The following GRM4 variants were observed in gnomAD, a reference collection of about 807,000 sequenced individuals.
GRM4 encodes the protein glutamate metabotropic receptor 4, also known as metabotropic glutamate receptor 4.
Under a neutral mutation model 81.7 loss-of-function variants are expected in GRM4, and 28 were observed. The observed-to-expected ratio is 0.34, with a 90% CI of 0.25 to 0.47. GRM4 has a LOEUF of 0.47. Among genes scored for constraint, GRM4 ranks in the 20% least tolerant of loss-of-function variants. The pLI is 1.00. For synonymous variants in GRM4, 488 were observed against 528.8 expected, an observed-to-expected ratio of 0.92 and a Z score of 1.06; for missense variants, 948 against 1,290.0, an observed-to-expected ratio of 0.73 and a Z score of 4.06.
In GRM4 at chr6:34,111,150, C is replaced by T. The variant is rs1769365329; in HGVS notation, c.520-19051G>A. 1.3e-5 allele frequency: 2 copies of T among 158,878 alleles called. No homozygotes were observed. The highest frequency in any genetic ancestry group is 2.5e-5 in the African/African-American group (1 of 40,796). The allele number at this position is 158,878 out of a possible 1,614,324, so 9.8% of individuals were successfully genotyped here. On this transcript the variant is annotated intron_variant, in intron 2 of 10. Coordinates refer to ENST00000538487, the MANE Select transcript of GRM4 (RefSeq NM_000841.4). This position sits in a 1 kb window ranked among gnomAD's most constrained non-coding sequence, Gnocchi z 5.1. ...ACACACACACACACACACACACACA[C>T]ACACGCCAGGATCCAACCCTTCCAG...
At chr6:34,027,465 C>G (rs1009555309) in intron 10 of GRM4, among the ~76,000 whole-genome samples, 1 of 152,130 alleles carries the variant, frequency 6.6e-6, no homozygotes, top group Non-Finnish European at 1.5e-5. Flanking sequence ...GACAGTCCCC[C>G]AGACAGGCAA....
rs768076180 is a variant in GRM4 at position 34,133,110 on chromosome 6, C to A, written c.387G>T (p.Lys129Asn). The change falls in exon 2 of 11, where the codon AAG becomes AAT. Residue 129 changes from lysine (K) to asparagine (N), a missense_variant. Physicochemically the swap from Lys to Asn is moderately conservative, Grantham distance 94. Coordinates refer to ENST00000538487, the MANE Select transcript of GRM4 (RefSeq NM_000841.4). This position sits in a 1 kb window ranked among gnomAD's most constrained non-coding sequence, Gnocchi z 6.5. ...TGCCACAGCGGACCTCTGTGCCATCCTTCTCGATGAGCGCCTGCACAAAGG... is the reference window on the plus strand; with the variant it reads ...TGCCACAGCGGACCTCTGTGCCATCATTCTCGATGAGCGCCTGCACAAAGG... ...SLTFVQALIE[K>N]DGTEVRCGSG... 13 of 1,613,960 alleles carry A rather than the reference C, an allele frequency of 8.1e-6. No individual in the cohort carries two copies. Among genetic ancestry groups the A allele is most frequent in the Non-Finnish European group, 1.1e-5 (13 of 1,179,976 alleles).
intron 3 of GRM4, among the ~76,000 whole-genome samples, chr6:34,085,807 G>A (rs1053337998): frequency 6.6e-6 from 1 of 152,202 alleles, no homozygotes; most frequent in African/African-American, 2.4e-5. Flanking sequence ...GCAGGGTACG[G>A]GGACTGGAGA....
intron 2 of GRM4, among the ~76,000 whole-genome samples, chr6:34,113,243 C>A (rs115601332): frequency 1.8e-4 from 28 of 152,128 alleles, no homozygotes; most frequent in African/African-American, 6.0e-4. Context: ...CCTCAAACGC[C>A]TGAGTTCAAG....
intron 1 of GRM4, among the ~76,000 whole-genome samples, chr6:34,143,605 GGCTCT>G (rs1020664716): frequency 6.6e-6 from 1 of 152,184 alleles, no homozygotes; most frequent in African/African-American, 2.4e-5. Flanking sequence ...GGCCCTTCTG[GGCTCT>G]GAGGAGCTGA....
chr6:34,100,107 CCT>C (rs1489795812), intron 2 of GRM4: 2 of 916,732 alleles, frequency 2.2e-6, no homozygotes, highest in Non-Finnish European at 2.6e-6. Flanking sequence ...ACCATGTGCC[CCT>C]GTCTGGCCCT....
rs1769819385 is a variant in GRM4 at position 34,121,714 on chromosome 6, G to A, written c.519+11264C>T. On this transcript the variant is annotated intron_variant, in intron 2 of 10. Transcript: ENST00000538487. This position sits in a 1 kb window ranked among gnomAD's most constrained non-coding sequence, Gnocchi z 4.6. ...ACCACCTCTTAGCAAACCCCAGGGA[G>A]AAACTGAGGCCTGGAGACAACTGAG... Among the ~76,000 whole-genome samples the A allele has an allele frequency of 6.6e-6, 1 of 152,182 alleles. No homozygotes were observed. Among genetic ancestry groups the A allele is most frequent in the South Asian group, 2.1e-4 (1 of 4,820 alleles).
rs900188761 is a variant in GRM4 at position 34,068,157 on chromosome 6, C to T, written c.737-6129G>A. 6.6e-5 allele frequency among the ~76,000 whole-genome samples: 10 copies of T among 152,136 alleles called. No individual in the cohort carries two copies. Among genetic ancestry groups the T allele is most frequent in the East Asian group, 3.9e-4 (2 of 5,162 alleles). ...AGCAGCATGACGTGCTGGAGGGAGACGGGGGGGCTGCATCCCCTCAGCCCA... is the reference window on the plus strand; with the variant it reads ...AGCAGCATGACGTGCTGGAGGGAGATGGGGGGGCTGCATCCCCTCAGCCCA... On this transcript the variant is annotated intron_variant, in intron 3 of 10. Transcript: ENST00000538487. This position sits in a 1 kb window ranked among gnomAD's most constrained non-coding sequence, Gnocchi z 4.2.
chr6:34,035,559 T>TGAAAGAAGGCAGAATGAGGCAC lies in GRM4; in HGVS notation c.2442+108_2442+109insGTGCCTCATTCTGCCTTCTTTC. ...GCAAGAAAGAAGGCAGAATGAGGCA[T>TGAAAGAAGGCAGAATGAGGCAC]GAAAGAAGGCATTTCTGGAGCAGGG... is the stretch of plus-strand genomic sequence containing the variant. On this transcript the variant is annotated intron_variant, in intron 9 of 10. Coordinates refer to ENST00000538487, the MANE Select transcript of GRM4 (RefSeq NM_000841.4). The surrounding 1 kb of genome is among the most constrained non-coding windows in gnomAD (Gnocchi z 6.6). The TGAAAGAAGGCAGAATGAGGCAC allele has an allele frequency of 1.7e-6, 1 of 581,980 alleles. No homozygotes were observed. The allele number at this position is 581,980 out of a possible 1,614,324, so 36.1% of individuals were successfully genotyped here.
At chr6:34,153,608 G>C (rs551243520) in intron 1 of GRM4, among the ~76,000 whole-genome samples, 1 of 152,366 alleles carries the variant, frequency 6.6e-6, no homozygotes, top group Admixed American at 6.5e-5. Context: ...AGCCAGGACC[G>C]GGTGTGGTGG....
intron 2 of GRM4, among the ~76,000 whole-genome samples, chr6:34,112,229 C>G (rs1178142720): frequency 6.6e-6 from 1 of 152,198 alleles, no homozygotes; most frequent in Non-Finnish European, 1.5e-5. Context: ...CGATAAAACA[C>G]GGAATTAAAT....
chr6:34,133,468 C>A lies in GRM4; in HGVS notation c.29G>T (p.Trp10Leu). Residue 10 changes from tryptophan to leucine, a missense_variant, in exon 2 of 11, where the codon TGG (tryptophan) becomes TTG (leucine). Transcript: ENST00000538487. The surrounding 1 kb of genome is among the most constrained non-coding windows in gnomAD (Gnocchi z 6.5). The part of the protein sequence containing the change: MPGKRGLGW[W>L]WARLPLCLLL... Reference sequence around the variant, plus strand: ...CAGGCAAAGGGGCAGCCGGGCCCACCACCAGCCCAAGCCTCTCTTCCCAGG... The same window carrying A: ...CAGGCAAAGGGGCAGCCGGGCCCACAACCAGCCCAAGCCTCTCTTCCCAGG... The A allele has an allele frequency of 1.3e-6, 2 of 1,589,808 alleles. No homozygotes were observed. Among genetic ancestry groups the A allele is most frequent in the South Asian group, 1.1e-5 (1 of 87,030 alleles).
At chr6:34,058,857 GGAAGA>G in intron 5 of GRM4, 112 bp downstream of exon 5, 1 of 802,204 alleles carries the variant, frequency 1.2e-6, no homozygotes, top group Non-Finnish European at 2.0e-6. Context: ...TGTGGGCCAA[GGAAGA>G]GAAAAGGAAG....
intron 8 of GRM4, among the ~76,000 whole-genome samples, chr6:34,037,499 G>A (rs142023939): frequency 4.8e-4 from 73 of 152,302 alleles, no homozygotes; most frequent in Admixed American, 1.6e-3. Context: ...CTAGACTGGT[G>A]CATTTGCACT....
At chr6:34,027,305 G>A (rs986252065) in intron 10 of GRM4, among the ~76,000 whole-genome samples, 3 of 152,146 alleles carry the variant, frequency 2.0e-5, no homozygotes, top group African/African-American at 4.8e-5. Flanking sequence ...GAGGGAAGTT[G>A]GCAAAGATGG....
Position 34,152,178 on chromosome 6 carries a change from T to C in GRM4, c.312+2901A>G, listed in dbSNP as rs1054914315. Reference sequence around the variant, plus strand: ...TCTACTTAGGAAACTCCATGGACAATGTTTGCTCCTTCCCAAGCAGGACCC... The same window carrying C: ...TCTACTTAGGAAACTCCATGGACAACGTTTGCTCCTTCCCAAGCAGGACCC... On this transcript the variant is annotated intron_variant, in intron 1 of 8. Coordinates refer to the GRM4 transcript ENST00000374177. The surrounding 1 kb of genome is among the most constrained non-coding windows in gnomAD (Gnocchi z 4.1). Among the ~76,000 whole-genome samples, 1 of 152,024 alleles carries C rather than the reference T, an allele frequency of 6.6e-6. No individual in the cohort carries two copies. Among genetic ancestry groups the C allele is most frequent in the Admixed American group, 6.5e-5 (1 of 15,272 alleles).
chr6:34,147,560 G>A (rs1245878442), upstream of GRM4, among the ~76,000 whole-genome samples: 2 of 152,198 alleles, frequency 1.3e-5, no homozygotes, highest in African/African-American at 2.4e-5. Flanking sequence ...CAAGGATTAC[G>A]ACACTAATCT....
At chr6:34,100,895 G>T (rs566487465) in intron 2 of GRM4, among the ~76,000 whole-genome samples, 1 of 152,180 alleles carries the variant, frequency 6.6e-6, no homozygotes, top group Non-Finnish European at 1.5e-5. Context: ...AGCCCAGCCC[G>T]GGTCCCTGAG....
chr6:34,107,355 G>A (rs1218349091), intron 2 of GRM4, among the ~76,000 whole-genome samples: 1 of 152,146 alleles, frequency 6.6e-6, no homozygotes, highest in African/African-American at 2.4e-5. Context: ...TACCTCCTGA[G>A]CACCCTCTAT....
Sources: gnomAD v4.1 joint callset for allele counts (sites outside exome capture counted in the v4.1 genomes callset) on GRCh38, gnomAD v4.1.1 for gene constraint, Gnocchi (gnomAD v3.1) non-coding constraint, MANE v1.5 for transcripts, NCBI Gene and HGNC (gene_info 2026-07-23, HGNC 2026-07-21) for gene names.